NSUN3: variants seen among roughly 807,000 people sequenced by gnomAD.
NSUN3 encodes NOP2/Sun RNA methyltransferase 3.
A neutral mutation model predicts 36.8 loss-of-function variants in NSUN3; 24 were observed. The ratio of observed to expected loss-of-function variants is 0.65; its 90% CI spans 0.47 to 0.92. The LOEUF (loss-of-function observed/expected upper bound fraction) is 0.92, where lower values mean the gene tolerates loss of function less well. Ranked by LOEUF, NSUN3 falls within the 40% of genes least tolerant of loss-of-function variation. The pLI is 0.00. For missense variants in NSUN3, 381 were observed against 392.8 expected (o/e 0.97, Z 0.25); for synonymous variants, 146 against 145.2 (o/e 1.01, Z -0.04).
chr3:94,100,789 T>G (rs1227446847), intron 5 of NSUN3, among the ~76,000 whole-genome samples: 1 of 152,160 alleles, frequency 6.6e-6, no homozygotes, highest in East Asian at 1.9e-4. Context: ...CCTTTATGAC[T>G]GCGTGAAGGC....
chr3:94,069,229 A>T (rs1477441967), intron 2 of NSUN3, among the ~76,000 whole-genome samples: 1 of 152,234 alleles, frequency 6.6e-6, no homozygotes, highest in African/African-American at 2.4e-5. Flanking sequence ...GTGAATAACA[A>T]ATCTGGACAT....
intron 5 of NSUN3, among the ~76,000 whole-genome samples, chr3:94,095,616 A>G (rs535771091): frequency 6.6e-6 from 1 of 152,308 alleles, no homozygotes; most frequent in Admixed American, 6.5e-5. Context: ...GGACCTGGCC[A>G]CTGAACATTT....
intron 3 of NSUN3, among the ~76,000 whole-genome samples, chr3:94,093,193 G>T (rs531750781): frequency 1.3e-5 from 2 of 150,802 alleles, no homozygotes; most frequent in South Asian, 4.2e-4. Context: ...ATGATGGGAA[G>T]TCACTAAAAG....
chr3:94,111,230 G>A (rs1028112645), intron 5 of NSUN3, among the ~76,000 whole-genome samples: 1 of 152,134 alleles, frequency 6.6e-6, no homozygotes, highest in East Asian at 1.9e-4. Context: ...TTGTACACCT[G>A]TATAAGGAGC....
intron 2 of NSUN3, among the ~76,000 whole-genome samples, chr3:94,081,270 C>T (rs1055340934): frequency 1.3e-5 from 2 of 152,118 alleles, no homozygotes; most frequent in East Asian, 1.9e-4. Context: ...TGAGATGAAC[C>T]GGGTCCCTCA....
chr3:94,120,154 A>T (rs115150193), intron 5 of NSUN3, among the ~76,000 whole-genome samples: 1 of 152,372 alleles, frequency 6.6e-6, no homozygotes, highest in Non-Finnish European at 1.5e-5. Context: ...CTAATTGTGG[A>T]ACTAAGACCA....
chr3:94,102,602 G>T (rs953349455), intron 5 of NSUN3, among the ~76,000 whole-genome samples: 1 of 151,750 alleles, frequency 6.6e-6, no homozygotes. Context: ...TTTTCTTTAA[G>T]TTTAGGTGGC....
intron 3 of NSUN3, among the ~76,000 whole-genome samples, chr3:94,092,032 C>A (rs1294506705): frequency 5.3e-5 from 8 of 152,248 alleles, no homozygotes; most frequent in Admixed American, 5.2e-4. Flanking sequence ...TGCCAGGTGA[C>A]AAGCAGAGAT....
At chr3:94,075,510 G>T (rs1450233750) in intron 2 of NSUN3, among the ~76,000 whole-genome samples, 2 of 152,084 alleles carry the variant, frequency 1.3e-5, no homozygotes, top group Non-Finnish European at 2.9e-5. Flanking sequence ...ACATCTTTCT[G>T]TATTTATACT....
rs1576090645 is a variant in NSUN3 at position 94,094,180 on chromosome 3, G to T, written c.507G>T (p.Arg169Ser). The T allele has an allele frequency of 1.2e-6, 2 of 1,612,190 alleles. No individual in the cohort carries two copies. Among genetic ancestry groups the T allele is most frequent in the Middle Eastern group, 1.7e-4 (1 of 6,052 alleles). ...ATGAATATGATAGTCTGAGATTGAG[G>T]TGGCTAAGGCAGACGTTGGAATCTT... is the stretch of plus-strand genomic sequence containing the variant. ...HCNEYDSLRL[R>S]WLRQTLESFI... The change falls in exon 4 of 6, where the codon AGG becomes AGT. Residue 169 changes from arginine to serine, a missense_variant. Arg to Ser is a moderately radical substitution (Grantham distance 110, BLOSUM62 -1). Transcript: ENST00000314622.
chr3:94,090,241 G>A (rs887056834), intron 3 of NSUN3, among the ~76,000 whole-genome samples: 1 of 151,938 alleles, frequency 6.6e-6, no homozygotes, highest in Admixed American at 6.6e-5. Flanking sequence ...GACAATTTAA[G>A]CACAAAATTG....
rs1576088500 is a variant in NSUN3, at chr3:94,089,632, T to C, written c.467-4508T>C. 2.0e-5 allele frequency among the ~76,000 whole-genome samples: 3 copies of C among 152,272 alleles called. No individual in the cohort carries two copies. In the South Asian group the frequency reaches 6.2e-4, roughly 32 times the overall value. On this transcript the variant is annotated intron_variant, in intron 3 of 5. Coordinates refer to ENST00000314622, the MANE Select transcript of NSUN3 (RefSeq NM_022072.5). ...CCAAGTGTAAGGAGGGCACTGTGCA[T>C]GTGGGGAGCTCACCCTTAAGGAAGA...
At chr3:94,083,816 A>G (rs745439620) in intron 2 of NSUN3, among the ~76,000 whole-genome samples, 51 of 152,192 alleles carry the variant, frequency 3.4e-4, no homozygotes, top group Non-Finnish European at 6.8e-4. Context: ...TTCAGACTCT[A>G]TTCTCTTGCC....
rs534431982 is a variant in NSUN3, at chr3:94,077,118, C to CT, written c.123-6987dup. The CT allele has an allele frequency of 8.9e-4, 678 of 762,538 alleles. 10 individuals carry two copies. Among genetic ancestry groups the CT allele is most frequent in the South Asian group, 6.9e-3 (506 of 72,880 alleles). The allele number at this position is 762,538 out of a possible 1,614,324, so 47.2% of individuals were successfully genotyped here. On this transcript the variant is annotated intron_variant, in intron 2 of 5. Coordinates refer to ENST00000314622, the MANE Select transcript of NSUN3 (RefSeq NM_022072.5). ...TGTTCTTTTTCCATATTTTGTACTC[C>CT]TTATGGATCACTCATTCTTCCACTG...
At chr3:94,114,181 G>T (rs1002390434) in intron 5 of NSUN3, among the ~76,000 whole-genome samples, 4 of 152,168 alleles carry the variant, frequency 2.6e-5, no homozygotes, top group African/African-American at 7.2e-5. Flanking sequence ...TGCATGTGGT[G>T]TCCTGTGTCT....
chr3:94,092,722 G>A (rs1392633549), intron 3 of NSUN3, among the ~76,000 whole-genome samples: 2 of 151,686 alleles, frequency 1.3e-5, no homozygotes, highest in Non-Finnish European at 2.9e-5. Flanking sequence ...TGGCCAACAT[G>A]GCGAAACCCC....
intron 2 of NSUN3, among the ~76,000 whole-genome samples, chr3:94,068,517 G>A (rs1405081996): frequency 6.6e-6 from 1 of 152,150 alleles, no homozygotes; most frequent in African/African-American, 2.4e-5. Context: ...ACTAGGCATT[G>A]TGCTAAGCAC....
At chr3:94,092,692 T>A (rs1045727763) in intron 3 of NSUN3, among the ~76,000 whole-genome samples, 2 of 151,804 alleles carry the variant, frequency 1.3e-5, no homozygotes, top group Non-Finnish European at 2.9e-5. Flanking sequence ...TCACCTGAGG[T>A]CAGGAGTTCC....
rs757041028 is a variant in NSUN3 at position 94,126,265 on chromosome 3, G to A, written c.798G>A (p.Thr266=). The A allele has an allele frequency of 1.4e-5, 23 of 1,614,008 alleles. No homozygotes were observed. The highest frequency in any genetic ancestry group is 1.6e-4 in the Middle Eastern group (1 of 6,084). ...PGGILVYSTC[T]LSKAENQDVI... is the part of the protein sequence containing the mutation. The stretch of plus-strand genomic sequence containing the variant: ...GGATACTTGTATACTCTACATGCAC[G>A]CTTTCCAAGGCAGAAAATCAAGATG... The change falls in exon 6 of 6, where the codon ACG becomes ACA. Residue 266 remains threonine (T), a synonymous_variant. Coordinates refer to ENST00000314622, the MANE Select transcript of NSUN3 (RefSeq NM_022072.5).
Sources: allele counts gnomAD v4.1 joint callset (sites outside exome capture counted in the v4.1 genomes callset), GRCh38; gene constraint gnomAD v4.1.1; transcripts MANE v1.5; gene names NCBI Gene and HGNC (gene_info 2026-07-23, HGNC 2026-07-21).